Variants in USP15 observed in about 807,000 individuals in gnomAD.
USP15 encodes the protein ubiquitin carboxyl-terminal hydrolase 15.
USP15 carries 18 observed loss-of-function variants against 127.1 expected under a neutral mutation model. The ratio of observed to expected loss-of-function variants is 0.14; its 90% CI spans 0.10 to 0.21. USP15 has a LOEUF of 0.21. Among genes scored for constraint, USP15 ranks in the 10% least tolerant of loss-of-function variants. The pLI is 1.00. For missense variants in USP15, 805 were observed against 1,159.9 expected (o/e 0.69, Z 4.44); for synonymous variants, 364 against 393.7 (o/e 0.92, Z 0.89).
At chr12:62,268,116 T>A (rs1455274763) in intron 1 of USP15, among the ~76,000 whole-genome samples, 1 of 152,058 alleles carries the variant, frequency 6.6e-6, no homozygotes, top group Non-Finnish European at 1.5e-5. Context: ...TTTTAAAAGT[T>A]CTCTAGATAC....
chr12:62,329,790 A>C (rs937959523), intron 6 of USP15, among the ~76,000 whole-genome samples: 1 of 152,194 alleles, frequency 6.6e-6, no homozygotes, highest in African/African-American at 2.4e-5. Flanking sequence ...TTCTGATGCC[A>C]AGTATTGGGT....
At chr12:62,260,769 C>T (rs1012327476) in intron 1 of USP15, among the ~76,000 whole-genome samples, 1 of 152,152 alleles carries the variant, frequency 6.6e-6, no homozygotes, top group Non-Finnish European at 1.5e-5. Context: ...TTCTCTTCGT[C>T]CTCCTTCCTT....
At chr12:62,267,058 G>A (rs1177599385) in intron 1 of USP15, 3 of 152,054 alleles carry the variant, frequency 2.0e-5, no homozygotes, top group Non-Finnish European at 2.9e-5. Context: ...ATTAAACCAT[G>A]GGAATTTCTC....
chr12:62,355,598 AT>A, intron 8 of USP15, 123 bp downstream of exon 8: 3 of 1,083,692 alleles, frequency 2.8e-6, no homozygotes, highest in Non-Finnish European at 3.8e-6. Flanking sequence ...TTCATGGAAG[AT>A]TTAAGCATAC....
At chr12:62,378,722 G>A (rs73136870) in intron 8 of USP15, among the ~76,000 whole-genome samples, 12,351 of 152,172 alleles carry the variant, frequency 0.081, 603 homozygotes, top group Middle Eastern at 0.16. Flanking sequence ...TGTACTGCCC[G>A]TATGGTTTAG....
chr12:62,341,772 T>C (rs1033000100), intron 6 of USP15, among the ~76,000 whole-genome samples: 4 of 152,218 alleles, frequency 2.6e-5, no homozygotes, highest in African/African-American at 9.6e-5. Flanking sequence ...GGGCTTCCCT[T>C]TGTAGGTGAC....
In USP15 at chr12:62,404,338, A is replaced by G. The variant is rs2067797838; in HGVS notation, c.2909A>G (p.Asn970Ser). ...ESDEDSNDND[N>S]DIENENCMHT... ...GATGAAGATAGCAATGATAATGACA[A>G]TGATATAGAAAATGAAAACTGTATG... Residue 970 changes from asparagine to serine, a missense_variant, in exon 22 of 22, where the codon AAT (asparagine) becomes AGT (serine). This residue lies in a region of USP15 where 116 missense variants were observed against 157.2 expected (regional missense o/e 0.74). Coordinates refer to ENST00000280377, the MANE Select transcript of USP15 (RefSeq NM_001252078.2). 1.2e-6 allele frequency: 2 copies of G among 1,612,146 alleles called. No homozygotes were observed. Among genetic ancestry groups the G allele is most frequent in the Admixed American group, 1.7e-5 (1 of 59,792 alleles).
At chr12:62,339,696 T>A (rs1006739468) in intron 6 of USP15, among the ~76,000 whole-genome samples, 6 of 152,212 alleles carry the variant, frequency 3.9e-5, no homozygotes, top group Admixed American at 6.5e-5. Context: ...TTTATTGATT[T>A]GCATATGTTG....
intron 1 of USP15, chr12:62,279,124 A>G (rs1305328376): frequency 6.6e-6 from 1 of 152,124 alleles, no homozygotes; most frequent in Non-Finnish European, 1.5e-5. Flanking sequence ...CATAACTGAA[A>G]CTTTATACCC....
chr12:62,379,709 A>G (rs753849836), intron 8 of USP15, among the ~76,000 whole-genome samples: 4 of 152,062 alleles, frequency 2.6e-5, no homozygotes, highest in Non-Finnish European at 5.9e-5. Flanking sequence ...AAAACTATTG[A>G]TAATTGTTGG....
chr12:62,266,101 GA>G (rs972755630), intron 1 of USP15, among the ~76,000 whole-genome samples: 2 of 152,118 alleles, frequency 1.3e-5, no homozygotes, highest in African/African-American at 4.8e-5. Context: ...ATGTCATTTT[GA>G]TCCACAAGTA....
At chr12:62,323,883 A>G (rs559843094) in intron 5 of USP15, among the ~76,000 whole-genome samples, 28 of 152,252 alleles carry the variant, frequency 1.8e-4, no homozygotes, top group African/African-American at 6.7e-4. Context: ...AAGATTAAGT[A>G]TCCTTAAGGA....
intron 1 of USP15, among the ~76,000 whole-genome samples, chr12:62,284,135 C>T (rs781053012): frequency 7.2e-5 from 11 of 152,214 alleles, no homozygotes; most frequent in Middle Eastern, 3.4e-3. Flanking sequence ...TGGAGAGATA[C>T]GCCGTGGCTG....
chr12:62,381,461 T>C, intron 8 of USP15, 29 bp from the exon 9 acceptor site: 4 of 1,547,896 alleles, frequency 2.6e-6, no homozygotes, highest in Non-Finnish European at 3.5e-6. Flanking sequence ...TGATTACTTT[T>C]ACTTGAAAAT....
At chr12:62,328,482 C>T (rs1028842841) in intron 6 of USP15, 1 of 198,570 alleles carries the variant, frequency 5.0e-6, no homozygotes, top group Non-Finnish European at 1.1e-5. Flanking sequence ...GAGAAACCCA[C>T]TTAGAAAATA....
chr12:62,285,336 A>T (rs1032151272), intron 1 of USP15, among the ~76,000 whole-genome samples: 3 of 152,212 alleles, frequency 2.0e-5, no homozygotes, highest in Non-Finnish European at 4.4e-5. Context: ...AAGTGATAAC[A>T]TGCAGTATTT....
chr12:62,314,859 GA>G lies in USP15; in HGVS notation c.422del (p.Asn141MetfsTer4). On this transcript the variant is annotated frameshift_variant, in exon 4 of 22. Transcript: ENST00000280377. LOFTEE classifies it high-confidence loss of function. Reference protein sequence around the residue: ...EVYLTELKLCENGNMNNVVTR... With the variant: ...EVYLTELKLCXNGNMNNVVTR... Reference sequence around the variant, plus strand: ...ATATCTCACAGAATTGAAGCTATGTGAAAATGGAAACATGAATAATGTTGTA... The same window carrying G: ...ATATCTCACAGAATTGAAGCTATGTGAAATGGAAACATGAATAATGTTGTA... 6.3e-7 allele frequency: 1 copy of G among 1,598,886 alleles called. No individual in the cohort carries two copies. The highest frequency in any genetic ancestry group is 2.3e-5 in the East Asian group (1 of 43,856).
intron 8 of USP15, among the ~76,000 whole-genome samples, chr12:62,377,536 A>G (rs993986244): frequency 6.6e-6 from 1 of 152,108 alleles, no homozygotes; most frequent in Non-Finnish European, 1.5e-5. Context: ...CCTGGCCAAC[A>G]TGGTGAAACC....
rs546928735 is a variant in USP15, at chr12:62,296,169, A to G, written c.217+1863A>G. 9.8e-5 allele frequency among the ~76,000 whole-genome samples: 15 copies of G among 152,322 alleles called. No homozygotes were observed. In the South Asian group the frequency reaches 3.1e-3, roughly 32 times the overall value. ...AAACGGGAACCTCAAACTCACAACC[A>G]TGAGTAACTGAATTCTGCCAACAAC... is the stretch of plus-strand genomic sequence containing the variant. On this transcript the variant is annotated intron_variant, in intron 2 of 21. Transcript: ENST00000280377.
Sources: gnomAD v4.1 joint callset for allele counts (sites outside exome capture counted in the v4.1 genomes callset) on GRCh38, gnomAD v4.1.1 for gene constraint, gnomAD v4.1.1 regional missense constraint, MANE v1.5 for transcripts, NCBI Gene and HGNC (gene_info 2026-07-23, HGNC 2026-07-21) for gene names.